The following LAMA2 variants were observed in gnomAD, a reference collection of about 807,000 sequenced individuals.
LAMA2 encodes laminin subunit alpha-2.
Under a neutral mutation model 364.8 loss-of-function variants are expected in LAMA2, and 269 were observed. The observed-to-expected ratio is 0.74, with a 90% confidence interval of 0.67 to 0.82. The LOEUF is 0.82. Among genes scored for constraint, LAMA2 ranks in the 40% least tolerant of loss-of-function variants. The pLI is 0.00. For missense variants in LAMA2, 3,807 were observed against 3,873.2 expected, an observed-to-expected ratio of 0.98 and a Z score of 0.45; for synonymous variants, 1,379 against 1,370.6, an observed-to-expected ratio of 1.01 and a Z score of -0.14.
chr6:129,080,264 A>T (rs1773952117), intron 3 of LAMA2, among the ~76,000 whole-genome samples: 1 of 152,202 alleles, frequency 6.6e-6, no homozygotes, highest in African/African-American at 2.4e-5. Context: ...AGAGCACAAG[A>T]TGAATCCAGT....
Position 129,315,661 on chromosome 6 carries a change from C to A in LAMA2, c.3735+6C>A, listed in dbSNP as rs1774543874. 6.2e-7 allele frequency: 1 copy of A among 1,613,724 alleles called. No homozygotes were observed. The highest frequency in any genetic ancestry group is 8.5e-7 in the Non-Finnish European group (1 of 1,179,604). Reference sequence around the variant, plus strand: ...AACAATTTGAAGGAAAGAAGGTAAGCACAAGAACTTTAATGTCAAGTGAGA... The same window carrying A: ...AACAATTTGAAGGAAAGAAGGTAAGAACAAGAACTTTAATGTCAAGTGAGA... On this transcript the variant is annotated splice_donor_region_variant and intron_variant, in intron 25 of 64. Transcript: ENST00000421865.
At chr6:128,917,862 T>A (rs2114477602) in intron 1 of LAMA2, among the ~76,000 whole-genome samples, 1 of 151,572 alleles carries the variant, frequency 6.6e-6, no homozygotes. Flanking sequence ...GCCTCTTCAC[T>A]AGCTGGGACT....
rs151049890 is a variant in LAMA2, at chr6:129,514,545, C to A, written c.9161C>A (p.Ala3054Glu). The A allele has an allele frequency of 1.1e-4, 175 of 1,614,180 alleles. No homozygotes were observed. The highest frequency in any genetic ancestry group is 3.3e-4 in the Middle Eastern group (2 of 6,058). Residue 3054 changes from alanine to glutamate, a missense_variant, in exon 64 of 65, where the codon GCA becomes GAA. Coordinates refer to ENST00000421865, the MANE Select transcript of LAMA2 (RefSeq NM_000426.4). ...NQVEAQSPNP[A>E]STSADTNDPV... The stretch of plus-strand genomic sequence containing the variant: ...GTGGAAGCCCAAAGCCCAAACCCAG[C>A]ATCTACATCAGCTGACACAAATGAC...
chr6:128,937,437 AT>A (rs35018815), intron 1 of LAMA2, among the ~76,000 whole-genome samples: 2 of 150,202 alleles, frequency 1.3e-5, no homozygotes, highest in Non-Finnish European at 3.0e-5. Flanking sequence ...TTATTGGGAG[AT>A]TTTTTTTTCT....
intron 34 of LAMA2, among the ~76,000 whole-genome samples, chr6:129,373,194 A>G (rs1482525945): frequency 6.6e-6 from 1 of 152,208 alleles, no homozygotes; most frequent in Non-Finnish European, 1.5e-5. Context: ...TGTTGTATCT[A>G]AAGACTCATT....
intron 4 of LAMA2, among the ~76,000 whole-genome samples, chr6:129,119,571 G>T: frequency 6.6e-6 from 1 of 151,000 alleles, no homozygotes. Context: ...TTTTTGAGAC[G>T]GAGTCTCGAT....
chr6:129,021,275 T>C (rs1785434438), intron 1 of LAMA2, among the ~76,000 whole-genome samples: 1 of 152,180 alleles, frequency 6.6e-6, no homozygotes, highest in Admixed American at 6.5e-5. Context: ...TACCTATTTA[T>C]TCCAAAATAT....
intron 51 of LAMA2, among the ~76,000 whole-genome samples, chr6:129,471,526 AC>A (rs1207575140): frequency 6.6e-6 from 1 of 151,912 alleles, no homozygotes; most frequent in Non-Finnish European, 1.5e-5. Flanking sequence ...CCATTAAAAT[AC>A]CCACCAAGTC....
At chr6:129,102,607 A>G (rs1401294320) in intron 4 of LAMA2, among the ~76,000 whole-genome samples, 1 of 152,182 alleles carries the variant, frequency 6.6e-6, no homozygotes, top group Non-Finnish European at 1.5e-5. Context: ...TAATTCTAAT[A>G]TATGGCCTTT....
intron 1 of LAMA2, among the ~76,000 whole-genome samples, chr6:128,921,796 C>T (rs189366992): frequency 9.2e-4 from 139 of 150,288 alleles, no homozygotes; most frequent in Non-Finnish European, 1.3e-3. Flanking sequence ...CATGCTTGTG[C>T]GCTGCACCCA....
At chr6:129,033,122 T>G (rs899868768) in intron 1 of LAMA2, among the ~76,000 whole-genome samples, 9 of 151,772 alleles carry the variant, frequency 5.9e-5, no homozygotes, top group Admixed American at 5.9e-4. Context: ...AGATGGTGTG[T>G]AAATGGGTTG....
chr6:129,158,773 G>A (rs1276466055), intron 8 of LAMA2: 2 of 1,614,106 alleles, frequency 1.2e-6, no homozygotes, highest in South Asian at 1.1e-5. Context: ...GGCGTAGCTG[G>A]GCTTTTGGAG....
At chr6:129,035,296 CTTTTCTTTT>C (rs1562173067) in intron 1 of LAMA2, among the ~76,000 whole-genome samples, 3 of 142,142 alleles carry the variant, frequency 2.1e-5, no homozygotes, top group African/African-American at 7.9e-5. Flanking sequence ...CTTTTCTTTT[CTTTTCTTTT>C]TTTTTTTTTT....
At chr6:129,461,485 G>T (rs1003448368) in intron 49 of LAMA2, among the ~76,000 whole-genome samples, 1 of 152,006 alleles carries the variant, frequency 6.6e-6, no homozygotes, top group South Asian at 2.1e-4. Flanking sequence ...TAACATGGAA[G>T]GTTGTCTGTA....
intron 12 of LAMA2, among the ~76,000 whole-genome samples, chr6:129,203,505 A>G (rs2115056487): frequency 1.3e-5 from 2 of 152,376 alleles, no homozygotes; most frequent in South Asian, 4.1e-4. Flanking sequence ...AAAATAGGTC[A>G]CAGACAGTGT....
At chr6:129,090,957 G>A (rs1583024995) in intron 3 of LAMA2, among the ~76,000 whole-genome samples, 1 of 152,044 alleles carries the variant, frequency 6.6e-6, no homozygotes, top group Admixed American at 6.5e-5. Flanking sequence ...TTTACTCCAT[G>A]TTGCTTTTTT....
At chr6:129,384,683 C>T (rs1694418221) in intron 35 of LAMA2, among the ~76,000 whole-genome samples, 1 of 152,074 alleles carries the variant, frequency 6.6e-6, no homozygotes, top group African/African-American at 2.4e-5. Flanking sequence ...CAGGGGTAGA[C>T]TGGAGATGGA....
intron 40 of LAMA2, among the ~76,000 whole-genome samples, chr6:129,423,837 A>G (rs1781197462): frequency 1.3e-5 from 2 of 152,138 alleles, no homozygotes; most frequent in African/African-American, 4.8e-5. Flanking sequence ...TAGTTTATAC[A>G]TATTGACCTA....
At chr6:129,304,479 G>A (rs1773746278) in intron 22 of LAMA2, among the ~76,000 whole-genome samples, 1 of 152,132 alleles carries the variant, frequency 6.6e-6, no homozygotes, top group South Asian at 2.1e-4. Context: ...TAGCCAGGAT[G>A]GTCTCGATCT....
Sources: allele counts gnomAD v4.1 joint callset (sites outside exome capture counted in the v4.1 genomes callset), GRCh38; gene constraint gnomAD v4.1.1; transcripts MANE v1.5; gene names NCBI Gene and HGNC (gene_info 2026-07-23, HGNC 2026-07-21).